USP44: variants seen among roughly 807,000 people sequenced by gnomAD.
The protein encoded by USP44 is ubiquitin specific peptidase 44.
A neutral mutation model predicts 69.0 loss-of-function variants in USP44; 61 were observed. That is an observed-to-expected ratio of 0.88 (90% confidence interval 0.72 to 1.09). The LOEUF is 1.09. Among genes scored for constraint, USP44 ranks in the 50% least tolerant of loss-of-function variants. The pLI, the probability that USP44 is intolerant of heterozygous loss-of-function variation, is 0.00. For missense variants in USP44, 753 were observed against 849.9 expected (o/e 0.89, Z 1.42); for synonymous variants, 297 against 295.4 (o/e 1.01, Z -0.06).
chr12:95,529,717 G>C (rs1024212675), intron 2 of USP44, among the ~76,000 whole-genome samples: 1 of 152,034 alleles, frequency 6.6e-6, no homozygotes, highest in Non-Finnish European at 1.5e-5. Flanking sequence ...CACCATGCCC[G>C]GCCTCTCCTT....
Position 95,547,832 on chromosome 12 carries a change from G to A in USP44, c.-71+3440C>T, listed in dbSNP as rs565346808. ...ACTTGAGGACTGGTCTGAGGAGAAA[G>A]TGAATCTCCCAAGGGTTCCTAAATG... On this transcript the variant is annotated intron_variant, in intron 1 of 5. Transcript: ENST00000258499. Among the ~76,000 whole-genome samples, 4 of 152,328 alleles carry A rather than the reference G, an allele frequency of 2.6e-5. No individual in the cohort carries two copies. In the East Asian group the frequency reaches 7.7e-4, roughly 29 times the overall value.
chr12:95,534,554 G>A (rs1376134767), intron 1 of USP44, among the ~76,000 whole-genome samples: 2 of 151,710 alleles, frequency 1.3e-5, no homozygotes, highest in African/African-American at 4.8e-5. Flanking sequence ...TTTAGCTTTT[G>A]TTTTTAACTT....
chr12:95,521,018 A>T lies in USP44; in HGVS notation c.1918T>A (p.Tyr640Asn), dbSNP rs763395583. Residue 640 changes from tyrosine (Y) to asparagine (N), a missense_variant, in exon 5 of 6, where the codon TAC becomes AAC. Physicochemically the swap from Tyr to Asn is moderately radical, Grantham distance 143 (BLOSUM62 -2). Transcript: ENST00000258499. ...ATACCTCCTTCAGAATTATAGCAGTAGGCAGTGTAGTGCCCTGAGCCAAAT... is the reference window on the plus strand; with the variant it reads ...ATACCTCCTTCAGAATTATAGCAGTTGGCAGTGTAGTGCCCTGAGCCAAAT... ...KGFGSGHYTA[Y>N]CYNSEGGFWV... The T allele has an allele frequency of 1.1e-5, 17 of 1,614,098 alleles. No individual in the cohort carries two copies. Among genetic ancestry groups the T allele is most frequent in the Non-Finnish European group, 8.5e-7 (1 of 1,180,032 alleles).
rs1175122753 is a variant in USP44, at chr12:95,518,329, G to A, written c.1964C>T (p.Ser655Phe). ...EGGFWVHCNDSKLSMCTMDEV... is the reference protein window; with the variant it reads ...EGGFWVHCNDFKLSMCTMDEV... ...ATCCATAGTGCACATGCTTAGTTTG[G>A]AATCATTGCAGTGTACCCAGAACCC... is the stretch of plus-strand genomic sequence containing the variant. Residue 655 changes from serine (S) to phenylalanine (F), a missense_variant, in exon 6 of 6, where the codon TCC becomes TTC. Physicochemically the swap from Ser to Phe is radical, Grantham distance 155. Transcript: ENST00000258499. 6.2e-7 allele frequency: 1 copy of A among 1,614,026 alleles called. No individual in the cohort carries two copies. Among genetic ancestry groups the A allele is most frequent in the Non-Finnish European group, 8.5e-7 (1 of 1,180,022 alleles).
chr12:95,518,829 C>G (rs1172377676), intron 5 of USP44, among the ~76,000 whole-genome samples: 1 of 152,068 alleles, frequency 6.6e-6, no homozygotes, highest in Non-Finnish European at 1.5e-5. Flanking sequence ...TTCCCAGCTA[C>G]TCAGGAGGCT....
At chr12:95,543,602 C>G (rs1391711752) in intron 1 of USP44, among the ~76,000 whole-genome samples, 1 of 151,854 alleles carries the variant, frequency 6.6e-6, no homozygotes, top group Non-Finnish European at 1.5e-5. Context: ...TGACTATAGT[C>G]CCCAGCTACT....
At chr12:95,547,465 A>C (rs1387124295) in intron 1 of USP44, among the ~76,000 whole-genome samples, 1 of 152,228 alleles carries the variant, frequency 6.6e-6, no homozygotes, top group East Asian at 1.9e-4. Context: ...CAAGAATACA[A>C]ATTTTCATCT....
chr12:95,536,876 A>G (rs2077222290), intron 1 of USP44, among the ~76,000 whole-genome samples: 1 of 152,196 alleles, frequency 6.6e-6, no homozygotes, highest in Non-Finnish European at 1.5e-5. Flanking sequence ...AAGTCTGCAC[A>G]CACCAGCAAC....
chr12:95,524,912 G>A, intron 3 of USP44, 124 bp from the exon 4 acceptor site: 2 of 840,420 alleles, frequency 2.4e-6, no homozygotes, highest in African/African-American at 1.7e-5. Context: ...GCATTGTACT[G>A]TGCTAGAGAT....
chr12:95,536,152 C>T (rs561854210), intron 1 of USP44, among the ~76,000 whole-genome samples: 8 of 150,062 alleles, frequency 5.3e-5, no homozygotes, highest in Admixed American at 1.3e-4. Context: ...CAGCGATTCT[C>T]GCACCTCAGC....
rs117241889 is a variant in USP44 at position 95,518,825 on chromosome 12, G to T, written c.1940-472C>A. ...GTGGTGGTGCACACCTGAATTCCCA[G>T]CTACTCAGGAGGCTGAAGCAAGAGA... is the stretch of plus-strand genomic sequence containing the variant. On this transcript the variant is annotated intron_variant, in intron 5 of 5. Coordinates refer to ENST00000258499, the MANE Select transcript of USP44 (RefSeq NM_032147.5). Among the ~76,000 whole-genome samples the T allele has an allele frequency of 6.0e-4, 92 of 152,222 alleles. No homozygotes were observed. In the East Asian group the frequency reaches 0.017, roughly 28 times the overall value.
intron 3 of USP44, 59 bp from the exon 4 acceptor site, chr12:95,524,847 G>C: frequency 7.0e-7 from 1 of 1,426,204 alleles, no homozygotes; most frequent in Non-Finnish European, 9.7e-7. Flanking sequence ...GGGAAAAGCT[G>C]AGTGAACCTT....
intron 1 of USP44, among the ~76,000 whole-genome samples, chr12:95,542,743 T>C (rs1220466825): frequency 4.9e-5 from 7 of 143,868 alleles, no homozygotes; most frequent in Non-Finnish European, 1.1e-4. Flanking sequence ...AGAGCAAGAC[T>C]CCATCTCAAA....
At chr12:95,523,058 C>T (rs930395612) in intron 4 of USP44, among the ~76,000 whole-genome samples, 7 of 152,270 alleles carry the variant, frequency 4.6e-5, no homozygotes, top group Non-Finnish European at 2.9e-5. Flanking sequence ...GCTGAAGTCC[C>T]CAGAGGGCAG....
In USP44 at chr12:95,548,762, C is replaced by G. The variant is rs150652389; in HGVS notation, c.-71+2510G>C. 3,410 of 152,294 alleles carry G rather than the reference C, an allele frequency of 0.022. 67 individuals carry two copies. Among genetic ancestry groups the G allele is most frequent in the South Asian group, 0.094 (453 of 4,832 alleles). 9.4% of individuals were successfully genotyped at this position (152,294 alleles called of 1,614,324 possible). ...ATCGCCGCGGCCGCGCGCCCTCGCG[C>G]ACACTCACCAGCCCGAGCCGGGGCG... is the stretch of plus-strand genomic sequence containing the variant. On this transcript the variant is annotated intron_variant, in intron 1 of 5. Transcript: ENST00000258499. This position sits in a 1 kb window ranked among gnomAD's most constrained non-coding sequence, Gnocchi z 4.1.
In USP44 at chr12:95,520,007, C is replaced by CAAAAAAAAAAAAAAAA. The variant is rs56348745; in HGVS notation, c.1939+974_1939+989dup. Among the ~76,000 whole-genome samples the CAAAAAAAAAAAAAAAA allele has an allele frequency of 5.8e-4, 20 of 34,528 alleles. 3 individuals are homozygous for CAAAAAAAAAAAAAAAA. Among genetic ancestry groups the CAAAAAAAAAAAAAAAA allele is most frequent in the African/African-American group, 6.5e-4 (6 of 9,216 alleles). The allele number at this position is 34,528 out of a possible 152,430, so 22.7% of individuals were successfully genotyped here. A position where few individuals can be genotyped will look rare whatever the true frequency, so the allele number is the denominator to read the frequency against. On this transcript the variant is annotated intron_variant, in intron 5 of 5. Coordinates refer to ENST00000258499, the MANE Select transcript of USP44 (RefSeq NM_032147.5). Reference sequence around the variant, plus strand: ...CAGGGGAAAGAGTGAGACTCTGTCTCAAAAAAAAAAAAAAAAAAAAAAAAA... The same window carrying CAAAAAAAAAAAAAAAA: ...CAGGGGAAAGAGTGAGACTCTGTCTCAAAAAAAAAAAAAAAAAAAAAAAAAAAAAAAAAAAAAAAAA...
At chr12:95,520,392 T>G (rs2140208175) in intron 5 of USP44, among the ~76,000 whole-genome samples, 1 of 152,098 alleles carries the variant, frequency 6.6e-6, no homozygotes, top group African/African-American at 2.4e-5. Context: ...CTTGGGAGGC[T>G]GAGGCAGGAG....
chr12:95,545,658 T>C (rs2077546384), intron 1 of USP44, among the ~76,000 whole-genome samples: 1 of 152,354 alleles, frequency 6.6e-6, no homozygotes, highest in Middle Eastern at 3.4e-3. Flanking sequence ...TAAGAAATGT[T>C]TGTGAAACGC....
At chr12:95,543,087 C>CAA (rs556889371) in intron 1 of USP44, among the ~76,000 whole-genome samples, 1,298 of 110,274 alleles carry the variant, frequency 0.012, 15 homozygotes, top group African/African-American at 0.042. Flanking sequence ...GACTCTGTCT[C>CAA]AAAAAAAAAA....
Sources: allele counts gnomAD v4.1 joint callset (sites outside exome capture counted in the v4.1 genomes callset), GRCh38; gene constraint gnomAD v4.1.1; non-coding constraint Gnocchi (gnomAD v3.1); transcripts MANE v1.5; gene names NCBI Gene and HGNC (gene_info 2026-07-23, HGNC 2026-07-21).